The following ZMYND11 variants were observed in gnomAD, a reference collection of about 807,000 sequenced individuals.
The protein encoded by ZMYND11 is zinc finger MYND-type containing 11.
ZMYND11 carries 9 observed loss-of-function variants against 84.9 expected under a neutral mutation model. The ratio of observed to expected loss-of-function variants is 0.11; its 90% CI spans 0.06 to 0.18. The LOEUF (loss-of-function observed/expected upper bound fraction) is 0.18, where lower values mean the gene tolerates loss of function less well. Among genes scored for constraint, ZMYND11 ranks in the 10% least tolerant of loss-of-function variants. The pLI, the probability that ZMYND11 is intolerant of heterozygous loss-of-function variation, is 1.00. For missense variants in ZMYND11, 409 were observed against 761.0 expected, an observed-to-expected ratio of 0.54 and a Z score of 5.44; for synonymous variants, 250 against 244.1, an observed-to-expected ratio of 1.02 and a Z score of -0.23.
chr10:248,263 C>A, intron 12 of ZMYND11, 73 bp from the exon 13 acceptor site: 1 of 1,528,828 alleles, frequency 6.5e-7, no homozygotes. Flanking sequence ...AATTTTTATC[C>A]GAATGGGGTA....
At chr10:199,182 G>A (rs1451128496) in intron 2 of ZMYND11, among the ~76,000 whole-genome samples, 2 of 151,840 alleles carry the variant, frequency 1.3e-5, no homozygotes, top group East Asian at 1.9e-4. Context: ...TTCAATGGAA[G>A]GATTGATCTG....
In ZMYND11 at chr10:236,745, ACTAT is replaced by A. The variant is rs542495497; in HGVS notation, c.439-89_439-86del. On this transcript the variant is annotated intron_variant, in intron 4 of 14. Transcript: ENST00000381604. ...AGCACTTTTAGTAAACTCTTTGCAT[ACTAT>A]CTAAGTGTTTCATATATGTCTTTTA... 3.1e-4 allele frequency: 322 copies of A among 1,048,550 alleles called. 1 individual carries two copies. The highest frequency in any genetic ancestry group is 1.2e-3 in the African/African-American group (69 of 59,728). The allele number at this position is 1,048,550 out of a possible 1,614,324, so 65.0% of individuals were successfully genotyped here. A position where few individuals can be genotyped will look rare whatever the true frequency, so the allele number is the denominator to read the frequency against.
At chr10:239,600 T>C (rs566145860) in intron 7 of ZMYND11, 75 bp downstream of exon 7, 2 of 1,044,150 alleles carry the variant, frequency 1.9e-6, no homozygotes, top group South Asian at 1.4e-5. Context: ...CTATCTTTTA[T>C]AAAACATTAC....
At chr10:243,006 AT>A (rs34653905) in intron 10 of ZMYND11, among the ~76,000 whole-genome samples, 135,056 of 152,214 alleles carry the variant, frequency 0.89, 60,619 homozygotes, top group South Asian at 0.97. Flanking sequence ...TTAAGTGGTA[AT>A]TTTTAACATA....
intron 2 of ZMYND11, among the ~76,000 whole-genome samples, chr10:200,371 T>C (rs999077590): frequency 6.9e-6 from 1 of 145,648 alleles, no homozygotes; most frequent in Non-Finnish European, 1.5e-5. Context: ...TATATGTGTA[T>C]ATATGTATAT....
chr10:177,344 TG>T lies in ZMYND11; in HGVS notation c.-19-2647del, dbSNP rs1367297934. 2.6e-5 allele frequency among the ~76,000 whole-genome samples: 4 copies of T among 152,300 alleles called. No individual in the cohort carries two copies. In the East Asian group the frequency reaches 7.7e-4, roughly 29 times the overall value. On this transcript the variant is annotated intron_variant, in intron 1 of 14. Transcript: ENST00000381604. ...CTGGCATTTTTTGCAATGTTCTACGTGGGCTCTTATAACTAATGATCATCCT... is the reference window on the plus strand; with the variant it reads ...CTGGCATTTTTTGCAATGTTCTACGTGGCTCTTATAACTAATGATCATCCT...
chr10:134,942 C>A (rs1386385200), upstream of ZMYND11: 1 of 149,834 alleles, frequency 6.7e-6, no homozygotes, highest in Non-Finnish European at 1.5e-5. Context: ...CGGCCGCGAG[C>A]CGGGCCGGCC....
chr10:193,265 A>G (rs986180946), intron 2 of ZMYND11, among the ~76,000 whole-genome samples: 2 of 152,136 alleles, frequency 1.3e-5, no homozygotes, highest in African/African-American at 4.8e-5. Context: ...CTCCATAGTA[A>G]GTCTGCCTTT....
At chr10:215,237 C>A (rs546663268) in intron 3 of ZMYND11, among the ~76,000 whole-genome samples, 1 of 152,136 alleles carries the variant, frequency 6.6e-6, no homozygotes, top group Non-Finnish European at 1.5e-5. Flanking sequence ...CCTTTACTTA[C>A]CTACCAGGTT....
At chr10:200,202 T>G (rs997622163) in intron 2 of ZMYND11, among the ~76,000 whole-genome samples, 6 of 17,414 alleles carry the variant, frequency 3.4e-4, no homozygotes, top group African/African-American at 6.0e-4. Flanking sequence ...CATGCCTGGC[T>G]AGGGTGTGTG....
chr10:143,366 T>G (rs1215572974), intron 1 of ZMYND11, among the ~76,000 whole-genome samples: 2 of 152,222 alleles, frequency 1.3e-5, no homozygotes, highest in East Asian at 3.8e-4. Context: ...TCTTGTAGAT[T>G]CTTGATTTAT....
At chr10:241,885 A>G in intron 9 of ZMYND11, 136 bp from the exon 10 acceptor site, 1 of 1,098,370 alleles carries the variant, frequency 9.1e-7, no homozygotes, top group Non-Finnish European at 1.3e-6. Flanking sequence ...CAGAAAAAAA[A>G]TCTCGTATGT....
chr10:188,744 T>G (rs1171766972), intron 2 of ZMYND11, among the ~76,000 whole-genome samples: 2 of 152,172 alleles, frequency 1.3e-5, no homozygotes, highest in Non-Finnish European at 2.9e-5. Flanking sequence ...TCACATCTGA[T>G]TTGGACTATT....
rs1013280517 is a variant in ZMYND11 at position 143,863 on chromosome 10, G to T, written c.-20+8304G>T. Reference sequence around the variant, plus strand: ...GTAAGAAACTGCCATTTGAGGCAGGGTCAGGTAGCTCACGCCTGTCATCAC... The same window carrying T: ...GTAAGAAACTGCCATTTGAGGCAGGTTCAGGTAGCTCACGCCTGTCATCAC... On this transcript the variant is annotated intron_variant, in intron 1 of 14. Coordinates refer to ENST00000381604, the MANE Select transcript of ZMYND11 (RefSeq NM_001370100.5). Among the ~76,000 whole-genome samples the T allele has an allele frequency of 4.6e-5, 7 of 152,180 alleles. No individual in the cohort carries two copies. The South Asian group carries it at 1.5e-3, about 32-fold the overall frequency.
intron 2 of ZMYND11, among the ~76,000 whole-genome samples, chr10:185,925 A>G (rs551277184): frequency 4.6e-5 from 7 of 152,276 alleles, no homozygotes; most frequent in African/African-American, 1.7e-4. Flanking sequence ...TGACAGAGGT[A>G]AATCAAAGGA....
chr10:238,570 A>C (rs937516288), intron 6 of ZMYND11, among the ~76,000 whole-genome samples: 2 of 151,988 alleles, frequency 1.3e-5, no homozygotes, highest in Non-Finnish European at 2.9e-5. Context: ...TTTAGCCAGG[A>C]TGGTCTCGAT....
chr10:233,231 C>CACAT (rs1168537254), intron 4 of ZMYND11, among the ~76,000 whole-genome samples: 1 of 152,106 alleles, frequency 6.6e-6, no homozygotes, highest in Admixed American at 6.5e-5. Context: ...GTAAAATTCA[C>CACAT]ACATACACTG....
chr10:141,286 C>T lies in ZMYND11; in HGVS notation c.-20+5727C>T, dbSNP rs539018417. Among the ~76,000 whole-genome samples, 152 of 152,212 alleles carry T rather than the reference C, an allele frequency of 1.0e-3. 1 individual carries two copies. Among genetic ancestry groups the T allele is most frequent in the Admixed American group, 2.1e-3 (32 of 15,294 alleles). On this transcript the variant is annotated intron_variant, in intron 1 of 14. Coordinates refer to ENST00000381604, the MANE Select transcript of ZMYND11 (RefSeq NM_001370100.5). ...ATTAATACATTGTTATTTATCGAAA[C>T]TCTGGTATGTGCCATATCTTAGATG...
Position 237,626 on chromosome 10 carries a change from G to A in ZMYND11, c.558G>A (p.Pro186=), listed in dbSNP as rs764007309. ...AAAAGGGGAAGGACAATAAACACCC[G>A]ATGTACAGGAGGCTGGTGCACTCAG... ...LNKKGKDNKH[P]MYRRLVHSAV... Residue 186 remains proline, a synonymous_variant, in exon 6 of 15, where the codon CCG becomes CCA. Transcript: ENST00000381604. The A allele has an allele frequency of 4.3e-6, 7 of 1,613,536 alleles. No individual in the cohort carries two copies. The highest frequency in any genetic ancestry group is 2.2e-5 in the East Asian group (1 of 44,848).
Sources: gnomAD v4.1 joint callset for allele counts (sites outside exome capture counted in the v4.1 genomes callset) on GRCh38, gnomAD v4.1.1 for gene constraint, MANE v1.5 for transcripts, NCBI Gene and HGNC (gene_info 2026-07-23, HGNC 2026-07-21) for gene names.